The following ATG7 variants were observed in gnomAD, a reference collection of about 807,000 sequenced individuals.
ATG7 encodes ubiquitin-like modifier-activating enzyme ATG7.
ATG7 carries 70 observed loss-of-function variants against 82.4 expected under a neutral mutation model. That is an observed-to-expected ratio of 0.85 (90% confidence interval 0.70 to 1.04). The LOEUF is 1.04. Among genes scored for constraint, ATG7 ranks in the 50% least tolerant of loss-of-function variants. The pLI, the probability that ATG7 is intolerant of heterozygous loss-of-function variation, is 0.00. For synonymous variants in ATG7, 287 were observed against 313.0 expected, an observed-to-expected ratio of 0.92 and a Z score of 0.88; for missense variants, 792 against 864.3, an observed-to-expected ratio of 0.92 and a Z score of 1.05.
intron 20 of ATG7, chr3:11,477,429 A>G: frequency 3.5e-6 from 2 of 575,386 alleles, no homozygotes; most frequent in Non-Finnish European, 4.5e-6. Flanking sequence ...TCTTTTAAAC[A>G]CAAGCATCAG....
intron 20 of ATG7, among the ~76,000 whole-genome samples, chr3:11,512,677 A>G (rs2092116078): frequency 6.6e-6 from 1 of 152,186 alleles, no homozygotes; most frequent in Admixed American, 6.5e-5. Flanking sequence ...GGTGAGTGTT[A>G]CAGCTCATAA....
In ATG7 at chr3:11,555,167, G is replaced by A. The variant is rs958002621; in HGVS notation, c.*324G>A. On this transcript the variant is annotated 3_prime_UTR_variant, in exon 21 of 21. Coordinates refer to ENST00000693202, the MANE Select transcript of ATG7 (RefSeq NM_001349232.2). ...ATCCTTTCCCCTTGGCCCTGAGGGGGTGACCCAACACAGACCAAATGGGGA... is the reference window on the plus strand; with the variant it reads ...ATCCTTTCCCCTTGGCCCTGAGGGGATGACCCAACACAGACCAAATGGGGA... The A allele has an allele frequency of 1.6e-5, 6 of 377,018 alleles. No individual in the cohort carries two copies. The highest frequency in any genetic ancestry group is 2.4e-5 in the Non-Finnish European group (5 of 208,246). The allele number at this position is 377,018 out of a possible 1,614,324, so 23.4% of individuals were successfully genotyped here. A position where few individuals can be genotyped will look rare whatever the true frequency, so the allele number is the denominator to read the frequency against.
chr3:11,521,937 T>A (rs993043090), intron 20 of ATG7, among the ~76,000 whole-genome samples: 1 of 152,156 alleles, frequency 6.6e-6, no homozygotes, highest in African/African-American at 2.4e-5. Flanking sequence ...ACAAAGTAGA[T>A]AAAGCCTACT....
At chr3:11,468,061 A>G (rs1418565551) in intron 20 of ATG7, among the ~76,000 whole-genome samples, 1 of 152,196 alleles carries the variant, frequency 6.6e-6, no homozygotes, top group Non-Finnish European at 1.5e-5. Context: ...TTGATGGCAC[A>G]GTTTGACTTG....
At chr3:11,385,935 C>G (rs2078286922) in intron 19 of ATG7, among the ~76,000 whole-genome samples, 1 of 152,188 alleles carries the variant, frequency 6.6e-6, no homozygotes, top group Admixed American at 6.5e-5. Flanking sequence ...GAGTTGGAAT[C>G]TGGTATACGT....
chr3:11,368,333 T>C (rs1215992068), intron 18 of ATG7, among the ~76,000 whole-genome samples: 2 of 151,796 alleles, frequency 1.3e-5, no homozygotes, highest in Admixed American at 1.3e-4. Context: ...ATCCTTTTTC[T>C]GGTTCTTTGG....
chr3:11,492,308 G>A (rs139446658), intron 20 of ATG7, among the ~76,000 whole-genome samples: 8 of 152,276 alleles, frequency 5.3e-5, no homozygotes, highest in South Asian at 2.1e-4. Flanking sequence ...GCAATGCCTC[G>A]CCCTGCTTCG....
At chr3:11,483,301 T>G (rs2089230421) in intron 20 of ATG7, among the ~76,000 whole-genome samples, 1 of 152,150 alleles carries the variant, frequency 6.6e-6, no homozygotes, top group Non-Finnish European at 1.5e-5. Flanking sequence ...GGCAGCTTCA[T>G]CCTATTTTCC....
chr3:11,372,827 CGTGT>C (rs56253429), intron 18 of ATG7, among the ~76,000 whole-genome samples: 7 of 127,566 alleles, frequency 5.5e-5, no homozygotes, highest in Middle Eastern at 3.6e-3. Flanking sequence ...CGCGCGTGTG[CGTGT>C]GTGTGCGTGC....
chr3:11,276,195 CATTA>C (rs1389666197), intron 1 of ATG7, among the ~76,000 whole-genome samples: 2 of 152,148 alleles, frequency 1.3e-5, no homozygotes, highest in Non-Finnish European at 2.9e-5. Flanking sequence ...AAGTTGCAGC[CATTA>C]ATTAAGGCAT....
chr3:11,479,929 ATT>A (rs1240114722), intron 20 of ATG7, among the ~76,000 whole-genome samples: 8 of 140,762 alleles, frequency 5.7e-5, no homozygotes, highest in Admixed American at 7.1e-5. Context: ...CCTGGAATCA[ATT>A]TTTTTTTTTT....
chr3:11,558,764 T>C (rs757493212), downstream of ATG7: 28 of 1,614,102 alleles, frequency 1.7e-5, no homozygotes, highest in Non-Finnish European at 2.0e-5. Flanking sequence ...CTCGGGCTCC[T>C]TGTAATTCTT....
chr3:11,537,280 C>G (rs2070396748), intron 20 of ATG7, among the ~76,000 whole-genome samples: 1 of 152,164 alleles, frequency 6.6e-6, no homozygotes, highest in Admixed American at 6.5e-5. Context: ...TCTAAAAGAA[C>G]TGTTCCTCCA....
chr3:11,285,605 C>G (rs1943864903), intron 3 of ATG7, among the ~76,000 whole-genome samples: 1 of 152,140 alleles, frequency 6.6e-6, no homozygotes, highest in Non-Finnish European at 1.5e-5. Flanking sequence ...TTCCATCTCC[C>G]CAGGAGCCTT....
chr3:11,348,194 G>A (rs1954864209), intron 14 of ATG7, 159 bp downstream of exon 14: 2 of 1,056,098 alleles, frequency 1.9e-6, no homozygotes, highest in Admixed American at 2.9e-5. Context: ...TCTCAGAGAG[G>A]GATAAAAAAA....
At chr3:11,307,081 G>C (rs140745616) in intron 6 of ATG7, 21 bp downstream of exon 6, 2 of 1,592,780 alleles carry the variant, frequency 1.3e-6, no homozygotes, top group Non-Finnish European at 1.7e-6. Context: ...AAAACGTGAT[G>C]TATGTGTCAT....
At chr3:11,574,276 T>G in the ATG7 span, among the ~76,000 whole-genome samples, 1 of 152,216 alleles carries the variant, frequency 6.6e-6, no homozygotes, top group Non-Finnish European at 1.5e-5. Context: ...TTCTGCTTTA[T>G]CTATGATCAA....
At chr3:11,466,811 A>G (rs1266231185) in intron 20 of ATG7, among the ~76,000 whole-genome samples, 1 of 152,296 alleles carries the variant, frequency 6.6e-6, no homozygotes, top group South Asian at 2.1e-4. Flanking sequence ...AGAAATTTTT[A>G]TGTCCTAAAT....
intron 18 of ATG7, among the ~76,000 whole-genome samples, chr3:11,368,007 C>G (rs1289984527): frequency 1.3e-5 from 2 of 151,788 alleles, no homozygotes; most frequent in South Asian, 2.1e-4. Flanking sequence ...TTCAATGCCC[C>G]CCTCATGCCT....
Sources: allele counts gnomAD v4.1 joint callset (sites outside exome capture counted in the v4.1 genomes callset), GRCh38; gene constraint gnomAD v4.1.1; transcripts MANE v1.5; gene names NCBI Gene and HGNC (gene_info 2026-07-23, HGNC 2026-07-21).